MOGAT1: variants seen among roughly 807,000 people sequenced by gnomAD.
The protein encoded by MOGAT1 is 2-acylglycerol O-acyltransferase 1.
In MOGAT1, 32 loss-of-function variants were observed where a neutral mutation model predicts 31.4. The ratio of observed to expected loss-of-function variants is 1.02; its 90% CI spans 0.77 to 1.37. The LOEUF is 1.37. Among genes scored for constraint, MOGAT1 ranks in the 40% most tolerant of loss-of-function variants. The probability of loss-of-function intolerance (pLI) is 0.00; values close to 1 mark genes in which losing one functional copy is unlikely to be tolerated. For synonymous variants in MOGAT1, 145 were observed against 144.5 expected, an observed-to-expected ratio of 1.00 and a Z score of -0.03; for missense variants, 426 against 402.0, an observed-to-expected ratio of 1.06 and a Z score of -0.51.
intron 5 of MOGAT1, among the ~76,000 whole-genome samples, chr2:222,695,749 T>C (rs1403396470): frequency 1.3e-5 from 2 of 152,308 alleles, no homozygotes; most frequent in African/African-American, 4.8e-5. Flanking sequence ...TATTCTGCTA[T>C]TCTGCTATAG....
At chr2:222,692,213 AG>A (rs1692773243) in intron 3 of MOGAT1, among the ~76,000 whole-genome samples, 1 of 152,224 alleles carries the variant, frequency 6.6e-6, no homozygotes, top group Non-Finnish European at 1.5e-5. Flanking sequence ...AGAGGTGATA[AG>A]GGCTATGCTA....
intron 1 of MOGAT1, among the ~76,000 whole-genome samples, chr2:222,680,914 G>T (rs1254288849): frequency 2.0e-5 from 3 of 152,174 alleles, no homozygotes; most frequent in Non-Finnish European, 2.9e-5. Flanking sequence ...GCTGATGCAG[G>T]TTGCTCATGG....
intron 1 of MOGAT1, among the ~76,000 whole-genome samples, chr2:222,685,703 C>T (rs975803965): frequency 2.7e-5 from 4 of 147,960 alleles, no homozygotes; most frequent in East Asian, 2.0e-4. Flanking sequence ...TGGGTTTAAG[C>T]GATTCTCCTG....
At chr2:222,704,935 T>C (rs1197309442) in intron 5 of MOGAT1, among the ~76,000 whole-genome samples, 1 of 152,148 alleles carries the variant, frequency 6.6e-6, no homozygotes. Context: ...GAGAAGGCCC[T>C]TGGATCTCAC....
In MOGAT1 at chr2:222,671,740, TG is replaced by T. The variant is rs1203270845; in HGVS notation, c.-43del. 2.7e-6 allele frequency: 4 copies of T among 1,478,950 alleles called. No homozygotes were observed. The highest frequency in any genetic ancestry group is 3.7e-6 in the Non-Finnish European group (4 of 1,082,998). The allele number at this position is 1,478,950 out of a possible 1,614,324, so 91.6% of individuals were successfully genotyped here. A position where few individuals can be genotyped will look rare whatever the true frequency, so the allele number is the denominator to read the frequency against. On this transcript the variant is annotated 5_prime_UTR_variant, in exon 1 of 6. Coordinates refer to ENST00000446656, the MANE Select transcript of MOGAT1 (RefSeq NM_058165.3). ...TTCCCACAGGCGCCGCAGAGCAGCG[TG>T]GGTGCAGGCTGCAGTGGCTGGCGCC...
intron 5 of MOGAT1, among the ~76,000 whole-genome samples, chr2:222,703,963 G>C (rs184108525): frequency 6.6e-6 from 1 of 152,082 alleles, no homozygotes; most frequent in Non-Finnish European, 1.5e-5. Context: ...GCATAGCACC[G>C]TAGAAACTGA....
rs144945054 is a variant in MOGAT1 at position 222,681,330 on chromosome 2, C to T, written c.95-7014C>T. On this transcript the variant is annotated intron_variant, in intron 1 of 5. Coordinates refer to ENST00000446656, the MANE Select transcript of MOGAT1 (RefSeq NM_058165.3). ...GGCTACAAATTGAGGATTCACACGA[C>T]CTCCTCCTTGGACTCTGTCATTTGC... 6.6e-3 allele frequency among the ~76,000 whole-genome samples: 1,010 copies of T among 152,306 alleles called. 7 individuals are homozygous for T. The highest frequency in any genetic ancestry group is 0.011 in the Non-Finnish European group (751 of 68,028).
At chr2:222,709,631 G>T in intron 5 of MOGAT1, 105 bp from the exon 6 acceptor site, 1 of 1,005,902 alleles carries the variant, frequency 9.9e-7, no homozygotes, top group Non-Finnish European at 1.5e-6. Flanking sequence ...GAGCAGGCTG[G>T]AGGGATTCTG....
chr2:222,707,554 G>A (rs560973486), intron 5 of MOGAT1, among the ~76,000 whole-genome samples: 36 of 152,138 alleles, frequency 2.4e-4, no homozygotes, highest in Admixed American at 2.2e-3. Context: ...TGCAACTCCC[G>A]CTCCCAGTTC....
chr2:222,704,027 T>C (rs1306686654), intron 5 of MOGAT1, among the ~76,000 whole-genome samples: 1 of 152,030 alleles, frequency 6.6e-6, no homozygotes, highest in African/African-American at 2.4e-5. Flanking sequence ...AATTGTTGGA[T>C]GGAATTGGAA....
chr2:222,700,531 C>T (rs527980586), intron 5 of MOGAT1, among the ~76,000 whole-genome samples: 1 of 152,142 alleles, frequency 6.6e-6, no homozygotes, highest in Non-Finnish European at 1.5e-5. Flanking sequence ...TTGTTTCAAA[C>T]GTTTAAAAAC....
intron 1 of MOGAT1, among the ~76,000 whole-genome samples, chr2:222,677,524 TG>T (rs34498529): frequency 6.6e-6 from 1 of 152,244 alleles, no homozygotes; most frequent in South Asian, 2.1e-4. Flanking sequence ...ATTAGCTTCA[TG>T]GGAAGGACTT....
intron 1 of MOGAT1, among the ~76,000 whole-genome samples, chr2:222,676,880 A>G (rs1297157352): frequency 2.6e-5 from 4 of 152,232 alleles, no homozygotes; most frequent in Non-Finnish European, 5.9e-5. Flanking sequence ...TAAAGTGACA[A>G]CTTTGTACTT....
chr2:222,694,129 T>C (rs1692806546), intron 3 of MOGAT1, among the ~76,000 whole-genome samples: 1 of 152,152 alleles, frequency 6.6e-6, no homozygotes, highest in Non-Finnish European at 1.5e-5. Context: ...GACCTAGTAA[T>C]GACTGAATGA....
Position 222,709,872 on chromosome 2 carries a change from G to A in MOGAT1, c.990G>A (p.Glu330=). 6.2e-7 allele frequency: 1 copy of A among 1,604,278 alleles called. No individual in the cohort carries two copies. The highest frequency in any genetic ancestry group is 8.5e-7 in the Non-Finnish European group (1 of 1,176,142). ...HKGKYGIPEH[E]TLVLK ...GAAAGTATGGCATTCCAGAGCACGA[G>A]ACTCTTGTTTTAAAATGACTTGACT... Residue 330 remains glutamate (E), a synonymous_variant, in exon 6 of 6, where the codon GAG becomes GAA. Coordinates refer to ENST00000446656, the MANE Select transcript of MOGAT1 (RefSeq NM_058165.3).
Position 222,695,130 on chromosome 2 carries a change from T to C in MOGAT1, c.695T>C (p.Leu232Pro), listed in dbSNP as rs370229306. ...GTGGTTTCTTTTGGTGAAAATGAAC[T>C]GTTTAAACAAACTGACAACCCTGAA... ...VPVVSFGENELFKQTDNPEGS... is the reference protein window; with the variant it reads ...VPVVSFGENEPFKQTDNPEGS... The change falls in exon 5 of 6, where the codon CTG becomes CCG. Residue 232 changes from leucine to proline, a missense_variant. By Grantham distance (98) the Leu-to-Pro change is moderately conservative (BLOSUM62 -3). Transcript: ENST00000446656. 2 of 1,608,224 alleles carry C rather than the reference T, an allele frequency of 1.2e-6. No individual in the cohort carries two copies. The highest frequency in any genetic ancestry group is 1.3e-5 in the African/African-American group (1 of 74,608).
At chr2:222,700,719 A>T (rs1195153816) in intron 5 of MOGAT1, among the ~76,000 whole-genome samples, 1 of 152,352 alleles carries the variant, frequency 6.6e-6, no homozygotes, top group South Asian at 2.1e-4. Context: ...AACATTTACA[A>T]TTCCATAAAA....
intron 5 of MOGAT1, among the ~76,000 whole-genome samples, chr2:222,697,702 T>C (rs904133905): frequency 2.7e-5 from 4 of 150,676 alleles, no homozygotes; most frequent in East Asian, 2.0e-4. Flanking sequence ...GCCTCCCAAG[T>C]AGCTGGGATT....
At chr2:222,686,095 A>G (rs920317121) in intron 1 of MOGAT1, among the ~76,000 whole-genome samples, 1 of 152,154 alleles carries the variant, frequency 6.6e-6, no homozygotes, top group African/African-American at 2.4e-5. Flanking sequence ...ATCTTTGTAG[A>G]AAGGAAAACA....
Sources: allele counts gnomAD v4.1 joint callset (sites outside exome capture counted in the v4.1 genomes callset), GRCh38; gene constraint gnomAD v4.1.1; transcripts MANE v1.5; gene names NCBI Gene and HGNC (gene_info 2026-07-23, HGNC 2026-07-21).